HEY1: variants seen among roughly 807,000 people sequenced by gnomAD.
HEY1 encodes hairy/enhancer-of-split related with YRPW motif protein 1.
In HEY1, 9 loss-of-function variants were observed where a neutral mutation model predicts 28.7. The ratio of observed to expected loss-of-function variants is 0.31; its 90% CI spans 0.19 to 0.55. HEY1 has a LOEUF of 0.55. Among genes scored for constraint, HEY1 ranks in the 20% least tolerant of loss-of-function variants. The pLI, the probability that HEY1 is intolerant of heterozygous loss-of-function variation, is 0.93. For synonymous variants in HEY1, 213 were observed against 175.6 expected, an observed-to-expected ratio of 1.21 and a Z score of -1.68; for missense variants, 385 against 399.4, an observed-to-expected ratio of 0.96 and a Z score of 0.31.
At position 79,767,249 on chromosome 8, in the gene HEY1, G is replaced by C. The variant is rs370332199; in HGVS notation, c.135C>G (p.Ser45=). The C allele has an allele frequency of 1.8e-5, 29 of 1,613,972 alleles. No homozygotes were observed. In the African/African-American group the frequency reaches 3.5e-4, roughly 19 times the overall value. Residue 45 remains serine, a synonymous_variant, in exon 2 of 5, where the codon TCC becomes TCG. Transcript: ENST00000354724. ...ALGSMSPTTS[S]QILARKRRRG... ...TCCGTCTTTTTCTGGCCAAAATCTG[G>C]GAAGATGTAGTTGGGGACATGGAAC...
In HEY1 at chr8:79,765,779, A is replaced by T. The variant is rs763855113; in HGVS notation, c.332-8T>A. On this transcript the variant is annotated splice_polypyrimidine_tract_variant and splice_region_variant and intron_variant, in intron 4 of 4. Coordinates refer to ENST00000354724, the MANE Select transcript of HEY1 (RefSeq NM_012258.4). ...CGTGCGCGTCAAAGTAACCTAAGCA[A>T]AAGAACAAAAGAAAAATCTCAGGGC... is the stretch of plus-strand genomic sequence containing the variant. 1.4e-5 allele frequency: 22 copies of T among 1,590,606 alleles called. No individual in the cohort carries two copies. The highest frequency in any genetic ancestry group is 1.9e-5 in the Non-Finnish European group (22 of 1,165,794).
chr8:79,767,411 G>T, intron 1 of HEY1, 117 bp from the exon 2 acceptor site: 1 of 1,159,718 alleles, frequency 8.6e-7, no homozygotes, highest in Non-Finnish European at 1.2e-6. Flanking sequence ...ACTTGGGCTG[G>T]AAGGCACCTA....
Position 79,766,696 on chromosome 8 carries a change from T to C in HEY1, c.286A>G (p.Met96Val). The change falls in exon 4 of 5, where the codon ATG becomes GTG. Residue 96 changes from methionine to valine, a missense_variant. Transcript: ENST00000354724. ...AGCATTTTCAGGTGATCCACGGTCA[T>C]CTGCAGGATCTCGGCTTTTTCTAGC... ...AKLEKAEILQ[M>V]TVDHLKMLHT... The C allele has an allele frequency of 6.2e-7, 1 of 1,614,228 alleles. No individual in the cohort carries two copies. Among genetic ancestry groups the C allele is most frequent in the Non-Finnish European group, 8.5e-7 (1 of 1,180,040 alleles).
chr8:79,767,302 G>A lies in HEY1; in HGVS notation c.90-8C>T, dbSNP rs1416061498. The A allele has an allele frequency of 3.7e-6, 6 of 1,609,422 alleles. No individual in the cohort carries two copies. In the African/African-American group the frequency reaches 4.0e-5, roughly 11 times the overall value. On this transcript the variant is annotated splice_polypyrimidine_tract_variant and splice_region_variant and intron_variant, in intron 1 of 4. Coordinates refer to ENST00000354724, the MANE Select transcript of HEY1 (RefSeq NM_012258.4). The stretch of plus-strand genomic sequence containing the variant: ...AGAGCCGAACTCAAGTTTCTGAAAA[G>A]AGAAAAAGAACAAACAAAAACTGAA...
chr8:79,767,146 C>CA, intron 2 of HEY1, 54 bp from the exon 3 acceptor site: 1 of 1,575,472 alleles, frequency 6.3e-7, no homozygotes. Context: ...CTGTAAATTT[C>CA]AAAGACAAAA....
chr8:79,767,389 A>T, intron 1 of HEY1, 95 bp from the exon 2 acceptor site: 1 of 1,247,998 alleles, frequency 8.0e-7, no homozygotes. Context: ...CCGCACTCAG[A>T]CTTTTTTTGC....
chr8:79,767,604 C>T lies in HEY1; in HGVS notation c.60G>A (p.Glu20=), dbSNP rs1317641052. 1.9e-6 allele frequency: 3 copies of T among 1,610,556 alleles called. No homozygotes were observed. The highest frequency in any genetic ancestry group is 1.3e-5 in the African/African-American group (1 of 74,782). Residue 20 remains glutamate, a synonymous_variant, in exon 1 of 5, where the codon GAG becomes GAA. Coordinates refer to ENST00000354724, the MANE Select transcript of HEY1 (RefSeq NM_012258.4). ...SSDSELDETI[E]VEKESADENG... is the part of the protein sequence containing the mutation. ...TCTCGTCCGCACTCTCCTTCTCCAC[C>T]TCGATGGTCTCGTCCAGCTCGCTGT...
In HEY1 at chr8:79,764,571, T is replaced by G. The variant is rs1472642329; in HGVS notation, c.*617A>C. 4.4e-6 allele frequency: 1 copy of G among 226,130 alleles called. No homozygotes were observed. Among genetic ancestry groups the G allele is most frequent in the Non-Finnish European group, 8.8e-6 (1 of 113,628 alleles). The allele number at this position is 226,130 out of a possible 1,614,324, so 14.0% of individuals were successfully genotyped here. A position where few individuals can be genotyped will look rare whatever the true frequency, so the allele number is the denominator to read the frequency against. On this transcript the variant is annotated 3_prime_UTR_variant, in exon 5 of 5. Coordinates refer to ENST00000354724, the MANE Select transcript of HEY1 (RefSeq NM_012258.4). ...TTCAGGGCCACCAACAGTTTGTACA[T>G]TCACCTTTCTGCTATAGGAGGCAGA...
chr8:79,764,704 T>G lies in HEY1; in HGVS notation c.*484A>C. 1 of 222,702 alleles carries G rather than the reference T, an allele frequency of 4.5e-6. No individual in the cohort carries two copies. 13.8% of individuals were successfully genotyped at this position (222,702 alleles called of 1,614,324 possible). The stretch of plus-strand genomic sequence containing the variant: ...TTCCCCTCCCCCCAAAAGAATATTA[T>G]TTATACAACACCTTAATCTGTCAAA... On this transcript the variant is annotated 3_prime_UTR_variant, in exon 5 of 5. Transcript: ENST00000354724.
chr8:79,767,304 GA>G lies in HEY1; in HGVS notation c.90-11del. On this transcript the variant is annotated splice_polypyrimidine_tract_variant and intron_variant, in intron 1 of 4. Coordinates refer to ENST00000354724, the MANE Select transcript of HEY1 (RefSeq NM_012258.4). Reference sequence around the variant, plus strand: ...AGCCGAACTCAAGTTTCTGAAAAGAGAAAAAGAACAAACAAAAACTGAAATC... The same window carrying G: ...AGCCGAACTCAAGTTTCTGAAAAGAGAAAAGAACAAACAAAAACTGAAATC... The G allele has an allele frequency of 6.2e-7, 1 of 1,608,376 alleles. No individual in the cohort carries two copies. Among genetic ancestry groups the G allele is most frequent in the Non-Finnish European group, 8.5e-7 (1 of 1,177,458 alleles).
At chr8:79,766,302 A>T in intron 4 of HEY1, 28 of 1,509,082 alleles carry the variant, frequency 1.9e-5, no homozygotes, top group Non-Finnish European at 2.4e-5. Context: ...TATACCAAAA[A>T]TAAGACCACA....
chr8:79,766,672 G>A lies in HEY1; in HGVS notation c.310C>T (p.Leu104=), dbSNP rs771854253. The A allele has an allele frequency of 1.9e-6, 3 of 1,614,202 alleles. No homozygotes were observed. Among genetic ancestry groups the A allele is most frequent in the South Asian group, 1.1e-5 (1 of 91,088 alleles). The change falls in exon 4 of 5, where the codon CTG becomes TTG. Residue 104 remains leucine, a synonymous_variant. Transcript: ENST00000354724. The part of the protein sequence containing the change: ...LQMTVDHLKM[L]HTAGGKGYFD... ...GTACCTTTCCCTCCTGCCGTATGCAGCATTTTCAGGTGATCCACGGTCATC... is the reference window on the plus strand; with the variant it reads ...GTACCTTTCCCTCCTGCCGTATGCAACATTTTCAGGTGATCCACGGTCATC...
chr8:79,766,365 A>G, intron 4 of HEY1: 1 of 1,473,002 alleles, frequency 6.8e-7, no homozygotes, highest in South Asian at 1.4e-5. Context: ...TGTGAAAGCT[A>G]CCTGATCTGA....
At chr8:79,766,512 A>G (rs1183627810) in intron 4 of HEY1, 139 bp downstream of exon 4, 1 of 1,514,870 alleles carries the variant, frequency 6.6e-7, no homozygotes, top group Non-Finnish European at 8.8e-7. Flanking sequence ...ATGTACTGAC[A>G]GGGAACTGCA....
Position 79,767,618 on chromosome 8 carries a change from C to G in HEY1, c.46G>C (p.Asp16His). 2 of 1,610,638 alleles carry G rather than the reference C, an allele frequency of 1.2e-6. No individual in the cohort carries two copies. The highest frequency in any genetic ancestry group is 1.7e-6 in the Non-Finnish European group (2 of 1,178,922). ...PEYSSSDSEL[D>H]ETIEVEKESA... is the part of the protein sequence containing the mutation. ...TCCTTCTCCACCTCGATGGTCTCGT[C>G]CAGCTCGCTGTCCGAGGAGCTGTAC... The change falls in exon 1 of 5, where the codon GAC (aspartate) becomes CAC (histidine). Residue 16 changes from aspartate (D) to histidine (H), a missense_variant. By Grantham distance (81) the Asp-to-His change is moderately conservative. Coordinates refer to ENST00000354724, the MANE Select transcript of HEY1 (RefSeq NM_012258.4).
rs774185972 is a variant in HEY1, at chr8:79,766,282, T to A, written c.331+369A>T. 93 of 1,523,840 alleles carry A rather than the reference T, an allele frequency of 6.1e-5. 1 individual carries two copies. Among genetic ancestry groups the A allele is most frequent in the East Asian group, 4.2e-4 (17 of 40,904 alleles). 94.4% of individuals were successfully genotyped at this position (1,523,840 alleles called of 1,614,324 possible). On this transcript the variant is annotated intron_variant, in intron 4 of 4. Transcript: ENST00000354724. ...GAGGCATGTGGCAGCACCTTTTTTT[T>A]AAAATCCCGTATACCAAAAATAAGA...
chr8:79,766,011 C>A (rs1432316331), intron 4 of HEY1, among the ~76,000 whole-genome samples: 1 of 152,168 alleles, frequency 6.6e-6, no homozygotes, highest in Non-Finnish European at 1.5e-5. Context: ...GGAATTATAC[C>A]CTACCAGCAG....
intron 3 of HEY1, 111 bp from the exon 4 acceptor site, chr8:79,766,843 G>A: frequency 7.5e-7 from 1 of 1,325,562 alleles, no homozygotes; most frequent in Non-Finnish European, 1.1e-6. Flanking sequence ...GTAAAGCATG[G>A]ACTAAAGCAA....
rs1361291371 is a variant in HEY1 at position 79,765,283 on chromosome 8, G to A, written c.820C>T (p.Leu274=). 6.4e-7 allele frequency: 1 copy of A among 1,556,012 alleles called. No homozygotes were observed. Among genetic ancestry groups the A allele is most frequent in the East Asian group, 2.4e-5 (1 of 41,776 alleles). The part of the protein sequence containing the change: ...FPFSFGSFHL[L]SPNALSPSAP... Reference sequence around the variant, plus strand: ...GAAGGGCTCAGTGCATTGGGAGACAGTAAGTGGAAGGAGCCGAAAGAGAAG... The same window carrying A: ...GAAGGGCTCAGTGCATTGGGAGACAATAAGTGGAAGGAGCCGAAAGAGAAG... The change falls in exon 5 of 5, where the codon CTG becomes TTG. Residue 274 remains leucine, a synonymous_variant. Coordinates refer to ENST00000354724, the MANE Select transcript of HEY1 (RefSeq NM_012258.4).
Sources: gnomAD v4.1 joint callset for allele counts (sites outside exome capture counted in the v4.1 genomes callset) on GRCh38, gnomAD v4.1.1 for gene constraint, MANE v1.5 for transcripts, NCBI Gene and HGNC (gene_info 2026-07-23, HGNC 2026-07-21) for gene names.